MTA3: variants seen among roughly 807,000 people sequenced by gnomAD.
The protein encoded by MTA3 is metastasis-associated protein MTA3.
MTA3 carries 34 observed loss-of-function variants against 83.5 expected under a neutral mutation model. The ratio of observed to expected loss-of-function variants is 0.41; its 90% CI spans 0.31 to 0.54. MTA3 has a LOEUF of 0.54. Ranked by LOEUF, MTA3 falls within the 20% of genes least tolerant of loss-of-function variation. MTA3 has a pLI of 0.33. For synonymous variants in MTA3, 303 were observed against 252.7 expected, an observed-to-expected ratio of 1.20 and a Z score of -1.89; for missense variants, 761 against 726.4, an observed-to-expected ratio of 1.05 and a Z score of -0.55.
chr2:42,655,981 A>G (rs1247907671), intron 6 of MTA3, among the ~76,000 whole-genome samples: 1 of 152,238 alleles, frequency 6.6e-6, no homozygotes, highest in African/African-American at 2.4e-5. Flanking sequence ...ATAAACATTA[A>G]GGACTAAATG....
chr2:42,553,578 A>C (rs1677227838), intron 2 of MTA3, among the ~76,000 whole-genome samples: 1 of 151,162 alleles, frequency 6.6e-6, no homozygotes, highest in Admixed American at 6.6e-5. Context: ...TCTACTAAAA[A>C]TACAAAATTA....
At chr2:42,610,126 G>A (rs1684010594) in intron 4 of MTA3, among the ~76,000 whole-genome samples, 2 of 152,038 alleles carry the variant, frequency 1.3e-5, no homozygotes, top group Admixed American at 1.3e-4. Flanking sequence ...AAAACAATAA[G>A]ACAATAAAAA....
chr2:42,709,981 C>T (rs1023872248), intron 14 of MTA3, among the ~76,000 whole-genome samples: 1 of 152,102 alleles, frequency 6.6e-6, no homozygotes, highest in African/African-American at 2.4e-5. Flanking sequence ...AATATGTTAG[C>T]TCTGGAGTCA....
intron 3 of MTA3, among the ~76,000 whole-genome samples, chr2:42,601,597 A>C (rs774430468): frequency 2.0e-5 from 3 of 152,174 alleles, no homozygotes; most frequent in African/African-American, 4.8e-5. Context: ...TATATTGCTC[A>C]GGCCAGTCTT....
rs920817745 is a variant in MTA3 at position 42,507,674 on chromosome 2, A to C, written c.-141+12420A>C. On this transcript the variant is annotated intron_variant, in intron 2 of 17. Transcript: ENST00000405592. ...TCAGGTGCCGTGGCTCACACCTGTA[A>C]TCCCAACACTTCGGGAGACTGAGGT... Among the ~76,000 whole-genome samples, 4 of 151,738 alleles carry C rather than the reference A, an allele frequency of 2.6e-5. No homozygotes were observed. The East Asian group carries it at 7.8e-4, about 29-fold the overall frequency.
intron 10 of MTA3, 112 bp downstream of exon 10, chr2:42,695,951 C>A: frequency 1.6e-6 from 1 of 643,650 alleles, no homozygotes; most frequent in South Asian, 2.2e-5. Context: ...CTTACTTTTT[C>A]CAGACTACTT....
At chr2:42,570,945 G>A (rs1022852286) in intron 2 of MTA3, among the ~76,000 whole-genome samples, 2 of 151,974 alleles carry the variant, frequency 1.3e-5, no homozygotes, top group Non-Finnish European at 2.9e-5. Context: ...CCCGGGAGGC[G>A]GAGGTTGCGG....
Position 42,625,589 on chromosome 2 carries a change from A to G in MTA3, c.318-14584A>G, listed in dbSNP as rs1439617501. ...GTGAAACCCCGTCTCTACTAAAAAT[A>G]CAAAAAAATTAGCTGGGCGTGGTGG... On this transcript the variant is annotated intron_variant, in intron 4 of 16. Coordinates refer to ENST00000405094, the MANE Select transcript of MTA3 (RefSeq NM_001330442.2). Among the ~76,000 whole-genome samples the G allele has an allele frequency of 2.0e-5, 3 of 150,376 alleles. No homozygotes were observed. In the East Asian group the frequency reaches 6.1e-4, roughly 31 times the overall value.
intron 2 of MTA3, among the ~76,000 whole-genome samples, chr2:42,560,572 A>G (rs1397111394): frequency 1.3e-5 from 2 of 149,992 alleles, no homozygotes; most frequent in Admixed American, 6.6e-5. Flanking sequence ...ACAAAAAACA[A>G]CAAAACAAAA....
At chr2:42,692,986 CA>C (rs1693043144) in intron 9 of MTA3, among the ~76,000 whole-genome samples, 1 of 152,236 alleles carries the variant, frequency 6.6e-6, no homozygotes, top group East Asian at 1.9e-4. Flanking sequence ...TTTGCAGACT[CA>C]AAGTACTCCC....
intron 6 of MTA3, among the ~76,000 whole-genome samples, chr2:42,654,113 T>C (rs1573490117): frequency 6.6e-6 from 1 of 152,354 alleles, no homozygotes; most frequent in South Asian, 2.1e-4. Context: ...CTTTTTGGCC[T>C]AGTACTAGCT....
chr2:42,523,428 C>A (rs535197519), intron 2 of MTA3, among the ~76,000 whole-genome samples: 1 of 152,024 alleles, frequency 6.6e-6, no homozygotes, highest in Admixed American at 6.6e-5. Context: ...GCTGCTGGAG[C>A]CTGAATAAGG....
At chr2:42,753,135 G>A (rs77774690) in intron 16 of MTA3, among the ~76,000 whole-genome samples, 22 of 151,958 alleles carry the variant, frequency 1.4e-4, no homozygotes, top group South Asian at 1.0e-3. Flanking sequence ...ATGCTATGTC[G>A]TCCAGACTGT....
chr2:42,505,956 C>T (rs1240049408), intron 2 of MTA3, among the ~76,000 whole-genome samples: 3 of 151,426 alleles, frequency 2.0e-5, no homozygotes, highest in Admixed American at 6.6e-5. Flanking sequence ...TTTAATAGAG[C>T]GTTTCACCGT....
chr2:42,571,534 A>G (rs1573008405), intron 2 of MTA3, among the ~76,000 whole-genome samples: 1 of 152,180 alleles, frequency 6.6e-6, no homozygotes, highest in Non-Finnish European at 1.5e-5. Flanking sequence ...AGAGCAGTTC[A>G]CTTATGTAAC....
chr2:42,708,034 T>C lies in MTA3; in HGVS notation c.1282T>C (p.Ser428Pro). Reference sequence around the variant, plus strand: ...CACCCAGTCAGAAGAAGAGAAGTTATCTCCTAGCCCAACTACAGAGGTACA... The same window carrying C: ...CACCCAGTCAGAAGAAGAGAAGTTACCTCCTAGCCCAACTACAGAGGTACA... ...MPTQSEEEKL[S>P]PSPTTEDPRV... The change falls in exon 13 of 17, where the codon TCT becomes CCT. Residue 428 changes from serine to proline, a missense_variant. By Grantham distance (74) the Ser-to-Pro change is moderately conservative. Transcript: ENST00000405094. The C allele has an allele frequency of 1.2e-6, 2 of 1,610,018 alleles. No homozygotes were observed. The highest frequency in any genetic ancestry group is 1.1e-5 in the South Asian group (1 of 89,922).
At chr2:42,607,622 G>A (rs1237311613) in intron 3 of MTA3, among the ~76,000 whole-genome samples, 4 of 152,158 alleles carry the variant, frequency 2.6e-5, no homozygotes, top group African/African-American at 9.7e-5. Flanking sequence ...GGAATTGCAG[G>A]CATGAGCCAT....
intron 6 of MTA3, among the ~76,000 whole-genome samples, chr2:42,655,473 C>A (rs1305895429): frequency 6.6e-6 from 1 of 152,122 alleles, no homozygotes; most frequent in African/African-American, 2.4e-5. Flanking sequence ...TTGTTTCTTA[C>A]CTAGCTTGAA....
intron 2 of MTA3, among the ~76,000 whole-genome samples, chr2:42,560,919 A>G (rs758373215): frequency 7.2e-5 from 11 of 152,142 alleles, no homozygotes; most frequent in Non-Finnish European, 1.0e-4. Flanking sequence ...AAACAAAACA[A>G]AAACCAAATT....
Sources: gnomAD v4.1 joint callset for allele counts (sites outside exome capture counted in the v4.1 genomes callset) on GRCh38, gnomAD v4.1.1 for gene constraint, MANE v1.5 for transcripts, NCBI Gene and HGNC (gene_info 2026-07-23, HGNC 2026-07-21) for gene names.